GXYLT1: variants seen among roughly 807,000 people sequenced by gnomAD.
GXYLT1 encodes the protein glycosyltransferase 8 domain containing 3.
GXYLT1 carries 29 observed loss-of-function variants against 54.0 expected under a neutral mutation model. The ratio of observed to expected loss-of-function variants is 0.54; its 90% CI spans 0.40 to 0.73. GXYLT1 has a LOEUF of 0.73. GXYLT1 is among the 30% of genes least tolerant of loss of function. The pLI is 0.00. For synonymous variants in GXYLT1, 176 were observed against 204.1 expected (o/e 0.86, Z 1.17); for missense variants, 490 against 553.4 (o/e 0.89, Z 1.15).
intron 2 of GXYLT1, among the ~76,000 whole-genome samples, chr12:42,126,843 G>A (rs1249186155): frequency 6.9e-6 from 1 of 145,370 alleles, no homozygotes; most frequent in Non-Finnish European, 1.5e-5. Context: ...TCATGCCACT[G>A]CACTCCAGCC....
intron 1 of GXYLT1, among the ~76,000 whole-genome samples, chr12:42,141,641 C>A (rs1331929906): frequency 1.3e-5 from 2 of 151,918 alleles, no homozygotes; most frequent in Non-Finnish European, 2.9e-5. Context: ...AAGTTCTATG[C>A]CTTAAACATA....
intron 5 of GXYLT1, among the ~76,000 whole-genome samples, chr12:42,101,932 G>T (rs1413583427): frequency 6.6e-6 from 1 of 152,136 alleles, no homozygotes; most frequent in African/African-American, 2.4e-5. Context: ...TGTCACTCTG[G>T]GTGGAGGCAT....
intron 2 of GXYLT1, among the ~76,000 whole-genome samples, chr12:42,123,310 C>A (rs1463139499): frequency 6.6e-6 from 1 of 152,128 alleles, no homozygotes; most frequent in Admixed American, 6.5e-5. Context: ...TTAGGAGATA[C>A]ATGCTGAATC....
At position 42,105,830 on chromosome 12, in the gene GXYLT1, C is replaced by A; in HGVS notation, c.852G>T (p.Arg284Ser). ...VMLMNMTRMR[R>S]KYFKNDMTTV... ...ATTAGTGACTTACCTTGAAATACTTCCTTCTCATTCGAGTCATGTTCATCA... is the reference window on the plus strand; with the variant it reads ...ATTAGTGACTTACCTTGAAATACTTACTTCTCATTCGAGTCATGTTCATCA... The change falls in exon 5 of 8, where the codon AGG becomes AGT. Residue 284 changes from arginine (R) to serine (S), a missense_variant. Around this residue, in one of 2 missense-constraint regions of GXYLT1, gnomAD observed 342 missense variants for 342.6 expected, o/e 1.00. Transcript: ENST00000398675. 6.2e-7 allele frequency: 1 copy of A among 1,611,330 alleles called. No individual in the cohort carries two copies. Among genetic ancestry groups the A allele is most frequent in the Non-Finnish European group, 8.5e-7 (1 of 1,178,922 alleles).
rs1442714004 is a variant in GXYLT1, at chr12:42,083,021, A to C, written c.*4765T>G. 2 of 152,212 alleles carry C rather than the reference A, an allele frequency of 1.3e-5. No homozygotes were observed. The highest frequency in any genetic ancestry group is 4.8e-5 in the African/African-American group (2 of 41,446). 9.4% of individuals were successfully genotyped at this position (152,212 alleles called of 1,614,324 possible). ...TTTTTTCCTATCTTTTCAAAGTCCC[A>C]TTAAACATCTGAAATTATTGGTAGA... On this transcript the variant is annotated 3_prime_UTR_variant, in exon 8 of 8. Transcript: ENST00000398675.
At chr12:42,116,339 C>T (rs371944075) in intron 3 of GXYLT1, among the ~76,000 whole-genome samples, 9 of 152,038 alleles carry the variant, frequency 5.9e-5, no homozygotes, top group Middle Eastern at 3.2e-3. Context: ...CAGAGTGAAC[C>T]GGCAACCTAC....
At chr12:42,134,198 C>G (rs1021578814) in intron 1 of GXYLT1, among the ~76,000 whole-genome samples, 2 of 151,688 alleles carry the variant, frequency 1.3e-5, no homozygotes, top group Admixed American at 1.3e-4. Context: ...GAGACCCTCT[C>G]TGACAAAAGA....
intron 3 of GXYLT1, among the ~76,000 whole-genome samples, chr12:42,111,465 G>A (rs1228896191): frequency 6.6e-6 from 1 of 152,190 alleles, no homozygotes; most frequent in African/African-American, 2.4e-5. Flanking sequence ...TTAAAAAACG[G>A]CACACCAGGA....
intron 2 of GXYLT1, among the ~76,000 whole-genome samples, chr12:42,129,473 C>T (rs1293701372): frequency 6.6e-6 from 1 of 152,006 alleles, no homozygotes; most frequent in Non-Finnish European, 1.5e-5. Flanking sequence ...CTATTTTTAT[C>T]CTAGTTTATC....
intron 3 of GXYLT1, among the ~76,000 whole-genome samples, chr12:42,111,982 T>A (rs1434714658): frequency 6.6e-6 from 1 of 152,192 alleles, no homozygotes; most frequent in African/African-American, 2.4e-5. Context: ...GGTTCACCAA[T>A]ATCTGCTGTT....
chr12:42,087,834 T>C lies in GXYLT1; in HGVS notation c.1275A>G (p.Leu425=). Residue 425 remains leucine, a synonymous_variant, in exon 8 of 8, where the codon CTA becomes CTG. Coordinates refer to ENST00000398675, the MANE Select transcript of GXYLT1 (RefSeq NM_173601.2). The part of the protein sequence containing the change: ...GKIYKIFIKQ[L]AKSVRDRYAR... ...CATAACGATCTCTTACACTTTTTGCTAGTTGTTTGATAAATATTTTGTAAA... is the reference window on the plus strand; with the variant it reads ...CATAACGATCTCTTACACTTTTTGCCAGTTGTTTGATAAATATTTTGTAAA... The C allele has an allele frequency of 1.2e-6, 2 of 1,607,906 alleles. No homozygotes were observed. The highest frequency in any genetic ancestry group is 1.7e-6 in the Non-Finnish European group (2 of 1,177,460).
intron 5 of GXYLT1, among the ~76,000 whole-genome samples, chr12:42,104,618 C>T (rs1342443937): frequency 6.6e-6 from 1 of 151,550 alleles, no homozygotes; most frequent in Non-Finnish European, 1.5e-5. Context: ...TAATAGCTGT[C>T]AGACTTCTAA....
chr12:42,116,569 CACA>C (rs1453260178), intron 3 of GXYLT1, among the ~76,000 whole-genome samples: 4 of 152,114 alleles, frequency 2.6e-5, no homozygotes, highest in African/African-American at 9.7e-5. Flanking sequence ...AAATCAAAAC[CACA>C]ACGAGATACC....
intron 7 of GXYLT1, among the ~76,000 whole-genome samples, chr12:42,092,800 C>T (rs824726): frequency 0.77 from 117,182 of 152,068 alleles, 45,525 homozygotes; most frequent in African/African-American, 0.85. Context: ...CTAGGCCACA[C>T]TGGAAGAATT....
At chr12:42,103,341 C>G (rs1048875939) in intron 5 of GXYLT1, among the ~76,000 whole-genome samples, 1 of 152,180 alleles carries the variant, frequency 6.6e-6, no homozygotes, top group Non-Finnish European at 1.5e-5. Flanking sequence ...CAGGTGACAG[C>G]AAGGCAAATA....
At position 42,136,386 on chromosome 12, in the gene GXYLT1, T is replaced by C. The variant is rs1565581908; in HGVS notation, c.222-6535A>G. ...CCAACATTCAAAGAGGTAACTCTAT[T>C]AAATAATTTTAATGAGGCAAAGCAT... is the stretch of plus-strand genomic sequence containing the variant. On this transcript the variant is annotated intron_variant, in intron 1 of 7. Transcript: ENST00000398675. 5.9e-5 allele frequency among the ~76,000 whole-genome samples: 9 copies of C among 152,336 alleles called. No homozygotes were observed. In the South Asian group the frequency reaches 1.7e-3, roughly 28 times the overall value.
rs1341934176 is a variant in GXYLT1, at chr12:42,085,433, G to C, written c.*2353C>G. The C allele has an allele frequency of 1.3e-5, 2 of 152,272 alleles. No individual in the cohort carries two copies. Among genetic ancestry groups the C allele is most frequent in the Admixed American group, 1.3e-4 (2 of 15,282 alleles). 9.4% of individuals were successfully genotyped at this position (152,272 alleles called of 1,614,324 possible). On this transcript the variant is annotated 3_prime_UTR_variant, in exon 8 of 8. Transcript: ENST00000398675. Reference sequence around the variant, plus strand: ...ATGGGGCTGAGATTCTCCGTTCACTGAGGAAATTTTATCTTATCAAACTTA... The same window carrying C: ...ATGGGGCTGAGATTCTCCGTTCACTCAGGAAATTTTATCTTATCAAACTTA...
chr12:42,098,066 C>A (rs964821663), intron 5 of GXYLT1, 33 bp from the exon 6 acceptor site: 2 of 1,600,070 alleles, frequency 1.2e-6, no homozygotes, highest in Non-Finnish European at 1.7e-6. Context: ...GAGCTTCAGA[C>A]TTTCAGGCTT....
At chr12:42,112,865 G>T (rs2065467474) in intron 3 of GXYLT1, among the ~76,000 whole-genome samples, 1 of 149,386 alleles carries the variant, frequency 6.7e-6, no homozygotes, top group Admixed American at 6.6e-5. Flanking sequence ...TGAAATGAAG[G>T]AAGTGCAGCC....
Sources: gnomAD v4.1 joint callset for allele counts (sites outside exome capture counted in the v4.1 genomes callset) on GRCh38, gnomAD v4.1.1 for gene constraint, gnomAD v4.1.1 regional missense constraint, MANE v1.5 for transcripts, NCBI Gene and HGNC (gene_info 2026-07-23, HGNC 2026-07-21) for gene names.